The following PIK3C2G variants were observed in gnomAD, a reference collection of about 807,000 sequenced individuals.
PIK3C2G encodes phosphatidylinositol-4-phosphate 3-kinase catalytic subunit type 2 gamma, also known as phosphatidylinositol 3-kinase C2 domain-containing subunit gamma.
Under a neutral mutation model 181.1 loss-of-function variants are expected in PIK3C2G, and 168 were observed. That is an observed-to-expected ratio of 0.93 (90% confidence interval 0.82 to 1.05). The LOEUF is 1.05. Ranked by LOEUF, PIK3C2G falls within the 50% of genes least tolerant of loss-of-function variation. PIK3C2G has a pLI of 0.00. For missense variants in PIK3C2G, 1,869 were observed against 1,732.8 expected, an observed-to-expected ratio of 1.08 and a Z score of -1.40; for synonymous variants, 573 against 592.2, an observed-to-expected ratio of 0.97 and a Z score of 0.47.
intron 27 of PIK3C2G, among the ~76,000 whole-genome samples, 185 bp from the exon 28 acceptor site, chr12:18,563,192 C>T (rs1304679993): frequency 1.3e-5 from 2 of 152,166 alleles, no homozygotes; most frequent in Admixed American, 1.3e-4. Context: ...CTAGCACATA[C>T]AATTGTGATA....
In PIK3C2G at chr12:18,340,038, A is replaced by G. The variant is rs560421045; in HGVS notation, c.1395+1490A>G. 3.3e-3 allele frequency among the ~76,000 whole-genome samples: 499 copies of G among 152,288 alleles called. 4 individuals carry two copies. Among genetic ancestry groups the G allele is most frequent in the African/African-American group, 0.011 (478 of 41,576 alleles). On this transcript the variant is annotated intron_variant, in intron 9 of 32. Coordinates refer to ENST00000538779, the MANE Select transcript of PIK3C2G (RefSeq NM_001288772.2). Reference sequence around the variant, plus strand: ...CTTTCCAATTATAGAAGGAAATGGAATAACTATGTAGTCTCCAAAACTGTT... The same window carrying G: ...CTTTCCAATTATAGAAGGAAATGGAGTAACTATGTAGTCTCCAAAACTGTT...
At chr12:18,500,298 G>T (rs879673949) in intron 22 of PIK3C2G, among the ~76,000 whole-genome samples, 37 of 152,126 alleles carry the variant, frequency 2.4e-4, no homozygotes, top group Non-Finnish European at 4.3e-4. Flanking sequence ...GGCCAGCGGC[G>T]GCGGAGGGTG....
intron 12 of PIK3C2G, among the ~76,000 whole-genome samples, chr12:18,364,136 T>G (rs1941469393): frequency 6.6e-6 from 1 of 152,084 alleles, no homozygotes; most frequent in Non-Finnish European, 1.5e-5. Flanking sequence ...TTAACCCCAT[T>G]CCCCGTTCTT....
chr12:18,292,076 G>T (rs1319182435), intron 4 of PIK3C2G, among the ~76,000 whole-genome samples: 1 of 150,512 alleles, frequency 6.6e-6, no homozygotes, highest in Non-Finnish European at 1.5e-5. Flanking sequence ...CAGGTGTGAT[G>T]GCGCATGCCT....
At chr12:18,660,088 G>A in the PIK3C2G span, among the ~76,000 whole-genome samples, 1 of 152,108 alleles carries the variant, frequency 6.6e-6, no homozygotes, top group African/African-American at 2.4e-5. Flanking sequence ...TAATCTGTCT[G>A]AGGTAAATAT....
chr12:18,719,657 T>TA, the PIK3C2G span: 1 of 1,505,794 alleles, frequency 6.6e-7, no homozygotes. Flanking sequence ...TAAAATAAGT[T>TA]AAAAGGATGC....
intron 16 of PIK3C2G, among the ~76,000 whole-genome samples, chr12:18,404,101 C>T (rs1337038515): frequency 6.6e-6 from 1 of 152,080 alleles, no homozygotes; most frequent in Non-Finnish European, 1.5e-5. Context: ...CAGAACAGTG[C>T]CTTAGCTTCC....
intron 18 of PIK3C2G, among the ~76,000 whole-genome samples, chr12:18,441,495 T>C (rs1322608968): frequency 3.3e-5 from 5 of 152,092 alleles, no homozygotes; most frequent in East Asian, 1.9e-4. Context: ...AAAGAATTTC[T>C]GGTGCAAAAT....
chr12:18,706,257 G>A, the PIK3C2G span, among the ~76,000 whole-genome samples: 3 of 150,536 alleles, frequency 2.0e-5, no homozygotes, highest in African/African-American at 2.4e-5. Flanking sequence ...AAAAAAAAAA[G>A]AAGAAGACAG....
intron 30 of PIK3C2G, among the ~76,000 whole-genome samples, chr12:18,604,835 TTC>T (rs1258405263): frequency 2.6e-5 from 4 of 152,150 alleles, no homozygotes; most frequent in Non-Finnish European, 5.9e-5. Flanking sequence ...ATTAAAAAAA[TTC>T]TTTGAACTGA....
intron 23 of PIK3C2G, among the ~76,000 whole-genome samples, chr12:18,504,003 A>G (rs1941672213): frequency 6.6e-6 from 1 of 152,258 alleles, no homozygotes; most frequent in Middle Eastern, 3.4e-3. Flanking sequence ...TCCTTGGTCC[A>G]CTTGCCAAGC....
chr12:18,451,298 T>C (rs74648925), intron 18 of PIK3C2G, among the ~76,000 whole-genome samples: 1 of 152,172 alleles, frequency 6.6e-6, no homozygotes, highest in Non-Finnish European at 1.5e-5. Flanking sequence ...TCACATCCCT[T>C]GTAAGTTATA....
chr12:18,522,725 G>A (rs1942999013), intron 24 of PIK3C2G, among the ~76,000 whole-genome samples: 1 of 151,966 alleles, frequency 6.6e-6, no homozygotes, highest in South Asian at 2.1e-4. Context: ...TCCTCTTTGA[G>A]TTGAATTTAA....
chr12:18,618,853 A>T (rs1948719948), intron 31 of PIK3C2G, among the ~76,000 whole-genome samples: 1 of 152,174 alleles, frequency 6.6e-6, no homozygotes, highest in Non-Finnish European at 1.5e-5. Context: ...AAGAATGAAG[A>T]TGACAGTGAA....
chr12:18,507,109 A>C (rs1941885188), intron 24 of PIK3C2G, among the ~76,000 whole-genome samples: 1 of 151,780 alleles, frequency 6.6e-6, no homozygotes, highest in Admixed American at 6.6e-5. Flanking sequence ...GGATGACTGC[A>C]ACCTCTACCT....
chr12:18,563,543 C>A, intron 28 of PIK3C2G, 45 bp downstream of exon 28: 2 of 1,586,484 alleles, frequency 1.3e-6, no homozygotes, highest in Non-Finnish European at 1.7e-6. Flanking sequence ...AGTACTTGTC[C>A]TTGAGCAAAA....
chr12:18,454,138 T>C (rs1039790357), intron 18 of PIK3C2G, among the ~76,000 whole-genome samples: 1 of 152,198 alleles, frequency 6.6e-6, no homozygotes, highest in Non-Finnish European at 1.5e-5. Flanking sequence ...GCCTACTATA[T>C]GTTAAGCTTT....
chr12:18,631,111 G>C (rs895262960), intron 31 of PIK3C2G, among the ~76,000 whole-genome samples: 1 of 152,142 alleles, frequency 6.6e-6, no homozygotes. Flanking sequence ...TATTGATGAG[G>C]AGACAGCTAG....
At chr12:18,522,208 G>T (rs1942966005) in intron 24 of PIK3C2G, among the ~76,000 whole-genome samples, 1 of 152,158 alleles carries the variant, frequency 6.6e-6, no homozygotes, top group African/African-American at 2.4e-5. Context: ...CCCCTAATTT[G>T]TATCTCTTAA....
Sources: allele counts gnomAD v4.1 joint callset (sites outside exome capture counted in the v4.1 genomes callset), GRCh38; gene constraint gnomAD v4.1.1; transcripts MANE v1.5; gene names NCBI Gene and HGNC (gene_info 2026-07-23, HGNC 2026-07-21).